AFG2A: variants seen among roughly 807,000 people sequenced by gnomAD.
AFG2A encodes AAA ATPase AFG2A.
chr4:122,923,288 C>T, the AFG2A span: 1 of 1,613,868 alleles, frequency 6.2e-7, no homozygotes, highest in Non-Finnish European at 8.5e-7. Flanking sequence ...CTGACGGTGA[C>T]CAACTTATTA....
At chr4:123,156,374 A>T in the AFG2A span, among the ~76,000 whole-genome samples, 1 of 152,304 alleles carries the variant, frequency 6.6e-6, no homozygotes, top group African/African-American at 2.4e-5. Flanking sequence ...TCAAGGGCCT[A>T]TTCTCTATGC....
chr4:123,196,167 A>ATTTTTTTTTTTTTT, the AFG2A span, among the ~76,000 whole-genome samples: 7 of 79,676 alleles, frequency 8.8e-5, no homozygotes, highest in South Asian at 2.0e-3. Context: ...TGCCCAGCTA[A>ATTTTTTTTTTTTTT]TTTTTTTTTT....
the AFG2A span, among the ~76,000 whole-genome samples, chr4:123,041,571 G>A: frequency 1.3e-5 from 2 of 151,606 alleles, no homozygotes; most frequent in African/African-American, 4.9e-5. Context: ...CGCTCTTGTT[G>A]TCTAGGCTGG....
At chr4:122,934,579 A>G in the AFG2A span, 3 of 1,613,964 alleles carry the variant, frequency 1.9e-6, no homozygotes, top group Non-Finnish European at 2.5e-6. Flanking sequence ...TTCTTCAACA[A>G]CAAGAGTCAA....
chr4:123,292,719 G>C, the AFG2A span, among the ~76,000 whole-genome samples: 1 of 152,128 alleles, frequency 6.6e-6, no homozygotes, highest in East Asian at 1.9e-4. Flanking sequence ...CAGGTTCACT[G>C]TCTCGTGGGG....
chr4:123,136,847 A>C, the AFG2A span, among the ~76,000 whole-genome samples: 2 of 151,548 alleles, frequency 1.3e-5, no homozygotes, highest in Non-Finnish European at 2.9e-5. Flanking sequence ...CATCTCAAAA[A>C]AAAAAAAAAA....
the AFG2A span, among the ~76,000 whole-genome samples, chr4:123,039,354 T>C: frequency 1.3e-5 from 2 of 152,030 alleles, no homozygotes; most frequent in African/African-American, 2.4e-5. Context: ...AGCAATTTCC[T>C]TTCTGATTAT....
the AFG2A span, among the ~76,000 whole-genome samples, chr4:123,174,826 A>AATAT: frequency 2.0e-5 from 3 of 150,278 alleles, no homozygotes; most frequent in African/African-American, 7.3e-5. Context: ...TTTTAAAAAA[A>AATAT]ATATATATAT....
chr4:123,116,874 G>T, the AFG2A span, among the ~76,000 whole-genome samples: 1 of 151,860 alleles, frequency 6.6e-6, no homozygotes, highest in African/African-American at 2.4e-5. Flanking sequence ...ACTCTTTCAT[G>T]GACATGAAAT....
the AFG2A span, among the ~76,000 whole-genome samples, chr4:123,310,254 A>G: frequency 6.6e-6 from 1 of 152,204 alleles, no homozygotes; most frequent in Non-Finnish European, 1.5e-5. Flanking sequence ...TTTAGAGAGG[A>G]CTGGCATTGA....
the AFG2A span, among the ~76,000 whole-genome samples, chr4:123,206,154 G>A: frequency 6.6e-6 from 1 of 152,084 alleles, no homozygotes; most frequent in Non-Finnish European, 1.5e-5. Flanking sequence ...GTCTACACAT[G>A]ATCAGACCTT....
chr4:123,074,012 A>G, the AFG2A span, among the ~76,000 whole-genome samples: 8 of 147,684 alleles, frequency 5.4e-5, no homozygotes, highest in African/African-American at 1.5e-4. Flanking sequence ...AAGTAATTTT[A>G]TTGCCTTCAA....
chr4:123,057,332 G>T, the AFG2A span: 2 of 1,531,656 alleles, frequency 1.3e-6, no homozygotes, highest in Non-Finnish European at 1.8e-6. Flanking sequence ...ATAATATGAT[G>T]TTACATAATA....
At chr4:123,151,735 T>C in the AFG2A span, among the ~76,000 whole-genome samples, 92,647 of 152,054 alleles carry the variant, frequency 0.61, 33,086 homozygotes, top group East Asian at 0.97. Context: ...TCCTCAAGGA[T>C]CTAGAAACAG....
the AFG2A span, chr4:122,979,201 C>A: frequency 5.6e-6 from 9 of 1,604,850 alleles, no homozygotes; most frequent in East Asian, 2.0e-4. Context: ...AAGGAAAAGA[C>A]AAATCTTGTG....
chr4:123,079,138 C>G, the AFG2A span, among the ~76,000 whole-genome samples: 1 of 152,166 alleles, frequency 6.6e-6, no homozygotes, highest in Non-Finnish European at 1.5e-5. Context: ...GTAGTGCCTG[C>G]CAGCTAGTGT....
chr4:123,069,482 G>A, the AFG2A span, among the ~76,000 whole-genome samples: 2 of 152,040 alleles, frequency 1.3e-5, no homozygotes, highest in Non-Finnish European at 2.9e-5. Context: ...AGTTGACTGG[G>A]AATACACAAA....
At chr4:123,093,005 A>T in the AFG2A span, among the ~76,000 whole-genome samples, 126 of 152,260 alleles carry the variant, frequency 8.3e-4, 1 homozygote, top group Non-Finnish European at 1.5e-3. Context: ...AAGTCAGTTG[A>T]TTAAGGATCC....
chr4:123,073,015 A>G, the AFG2A span, among the ~76,000 whole-genome samples: 123,021 of 151,630 alleles, frequency 0.81, 51,678 homozygotes, highest in East Asian at 0.97. Context: ...GCTAACTGAC[A>G]TATCTGGCAC....
Sources: gnomAD v4.1 joint callset for allele counts (sites outside exome capture counted in the v4.1 genomes callset) on GRCh38, gnomAD v4.1.1 for gene constraint, MANE v1.5 for transcripts, NCBI Gene and HGNC (gene_info 2026-07-23, HGNC 2026-07-21) for gene names.